The following DOCK3 variants were observed in gnomAD, a reference collection of about 807,000 sequenced individuals.
DOCK3 encodes the protein dedicator of cytokinesis 3.
In DOCK3, 60 loss-of-function variants were observed where a neutral mutation model predicts 265.6. The observed-to-expected ratio is 0.23, with a 90% confidence interval of 0.18 to 0.28. DOCK3 has a LOEUF of 0.28. Among genes scored for constraint, DOCK3 ranks in the 10% least tolerant of loss-of-function variants. The pLI, the probability that DOCK3 is intolerant of heterozygous loss-of-function variation, is 1.00. For synonymous variants in DOCK3, 881 were observed against 938.0 expected, an observed-to-expected ratio of 0.94 and a Z score of 1.11; for missense variants, 1,981 against 2,594.3, an observed-to-expected ratio of 0.76 and a Z score of 5.14.
intron 1 of DOCK3, among the ~76,000 whole-genome samples, chr3:50,768,354 G>A (rs1279873183): frequency 6.6e-6 from 1 of 151,974 alleles, no homozygotes; most frequent in East Asian, 1.9e-4. Flanking sequence ...CCAAAGCCTG[G>A]CAGAGACACA....
chr3:50,826,726 A>ACT (rs2107020290), intron 2 of DOCK3, among the ~76,000 whole-genome samples: 1 of 152,366 alleles, frequency 6.6e-6, no homozygotes, highest in Non-Finnish European at 1.5e-5. Context: ...AGAAACAGTC[A>ACT]GATACCACAA....
At chr3:51,128,469 G>A (rs1486180432) in intron 9 of DOCK3, among the ~76,000 whole-genome samples, 1 of 152,176 alleles carries the variant, frequency 6.6e-6, no homozygotes, top group African/African-American at 2.4e-5. Flanking sequence ...AATTCCATGA[G>A]CATGAGCCCA....
chr3:50,823,978 G>A (rs1302409940), intron 2 of DOCK3, among the ~76,000 whole-genome samples: 1 of 152,176 alleles, frequency 6.6e-6, no homozygotes, highest in African/African-American at 2.4e-5. Flanking sequence ...AACTTAAAGT[G>A]GCTGAATAGA....
intron 9 of DOCK3, among the ~76,000 whole-genome samples, chr3:51,135,898 C>T (rs970217893): frequency 2.0e-5 from 3 of 151,946 alleles, no homozygotes; most frequent in Non-Finnish European, 2.9e-5. Flanking sequence ...TTTGTAGAGA[C>T]AGGATCTCGC....
At chr3:50,698,510 GTTTTTGGTTT>G (rs962568382) in intron 1 of DOCK3, among the ~76,000 whole-genome samples, 1 of 9,488 alleles carries the variant, frequency 1.1e-4, no homozygotes, top group East Asian at 1.3e-3. Context: ...GTGGATGTAT[GTTTTTGGTTT>G]TTTTTTTTTT....
intron 9 of DOCK3, among the ~76,000 whole-genome samples, chr3:51,101,250 A>G (rs2109728480): frequency 6.6e-6 from 1 of 151,374 alleles, no homozygotes; most frequent in Admixed American, 6.6e-5. Flanking sequence ...CCTCCCGAGT[A>G]GCTGGGACTA....
chr3:51,295,109 A>G lies in DOCK3; in HGVS notation c.2922+14905A>G, dbSNP rs575512533. 5.9e-5 allele frequency among the ~76,000 whole-genome samples: 9 copies of G among 152,352 alleles called. No individual in the cohort carries two copies. In the South Asian group the frequency reaches 1.9e-3, roughly 32 times the overall value. ...CAAAACCACATGATCATCTCAGTTA[A>G]TGTCTTAGTCCATTTTGTGTTTCTA... On this transcript the variant is annotated intron_variant, in intron 27 of 52. Coordinates refer to ENST00000266037, the MANE Select transcript of DOCK3 (RefSeq NM_004947.5).
chr3:51,162,570 T>C (rs184457855), intron 12 of DOCK3, among the ~76,000 whole-genome samples: 3 of 152,308 alleles, frequency 2.0e-5, no homozygotes, highest in Admixed American at 6.5e-5. Context: ...TCATCATCAT[T>C]ATCATCTTAC....
intron 22 of DOCK3, among the ~76,000 whole-genome samples, chr3:51,248,605 C>T (rs923688455): frequency 1.7e-4 from 26 of 152,210 alleles, no homozygotes; most frequent in Admixed American, 1.4e-3. Flanking sequence ...AGCCTCTGCC[C>T]GGCCGCCACC....
At chr3:51,221,982 T>C (rs1454803375) in intron 14 of DOCK3, among the ~76,000 whole-genome samples, 1 of 152,206 alleles carries the variant, frequency 6.6e-6, no homozygotes, top group Non-Finnish European at 1.5e-5. Flanking sequence ...GGTTTCCTAG[T>C]GTTAAATAAT....
chr3:51,176,150 G>T (rs1052712746), intron 12 of DOCK3, among the ~76,000 whole-genome samples: 3 of 152,292 alleles, frequency 2.0e-5, no homozygotes, highest in Non-Finnish European at 1.5e-5. Flanking sequence ...AGTGAGTTCA[G>T]GGTGACTCTT....
intron 2 of DOCK3, among the ~76,000 whole-genome samples, chr3:50,824,391 C>T (rs1449871896): frequency 1.3e-5 from 2 of 152,092 alleles, no homozygotes; most frequent in Non-Finnish European, 2.9e-5. Context: ...TATGTTTTTG[C>T]CTACTCCTGG....
intron 2 of DOCK3, among the ~76,000 whole-genome samples, chr3:50,817,112 G>A (rs2044129848): frequency 6.6e-6 from 1 of 152,178 alleles, no homozygotes; most frequent in Admixed American, 6.5e-5. Context: ...GATTATTCAT[G>A]CCTCCTCATT....
chr3:50,745,616 A>G (rs374662160), intron 1 of DOCK3, among the ~76,000 whole-genome samples: 11 of 152,318 alleles, frequency 7.2e-5, no homozygotes, highest in African/African-American at 2.6e-4. Flanking sequence ...AACAAAACGC[A>G]TAACACTGAA....
intron 13 of DOCK3, among the ~76,000 whole-genome samples, chr3:51,211,532 C>A (rs575948802): frequency 1.3e-5 from 2 of 152,036 alleles, no homozygotes; most frequent in East Asian, 3.9e-4. Context: ...CACAGCAGGC[C>A]CCGGTGTGTG....
intron 12 of DOCK3, among the ~76,000 whole-genome samples, chr3:51,174,303 T>A (rs1387805714): frequency 2.0e-5 from 3 of 151,836 alleles, no homozygotes; most frequent in Non-Finnish European, 2.9e-5. Context: ...TAAAAAAAAA[T>A]TTAAAAAATA....
chr3:51,137,694 T>G (rs2084868576), intron 9 of DOCK3, among the ~76,000 whole-genome samples: 2 of 152,206 alleles, frequency 1.3e-5, no homozygotes, highest in African/African-American at 4.8e-5. Context: ...AAGAACTTGA[T>G]CAATAATATG....
intron 9 of DOCK3, among the ~76,000 whole-genome samples, chr3:51,108,587 A>G (rs1451470707): frequency 6.6e-6 from 1 of 152,238 alleles, no homozygotes; most frequent in Non-Finnish European, 1.5e-5. Flanking sequence ...AAAGGCACAG[A>G]GTAACAAGGT....
intron 2 of DOCK3, among the ~76,000 whole-genome samples, chr3:50,815,770 C>T (rs916313444): frequency 3.3e-5 from 5 of 152,254 alleles, no homozygotes; most frequent in East Asian, 3.9e-4. Flanking sequence ...AAAATTACAA[C>T]GGATTTACTT....
Sources: allele counts gnomAD v4.1 joint callset (sites outside exome capture counted in the v4.1 genomes callset), GRCh38; gene constraint gnomAD v4.1.1; transcripts MANE v1.5; gene names NCBI Gene and HGNC (gene_info 2026-07-23, HGNC 2026-07-21).